Variants in ASPRV1 observed in about 807,000 individuals in gnomAD.
ASPRV1 encodes the protein aspartic peptidase retroviral like 1.
A neutral mutation model predicts 11.0 loss-of-function variants in ASPRV1; 7 were observed. The ratio of observed to expected loss-of-function variants is 0.64; its 90% confidence interval spans 0.36 to 1.20. ASPRV1 has a LOEUF of 1.20. Ranked by LOEUF, ASPRV1 falls within the 50% of genes most tolerant of loss-of-function variation. The pLI is 0.02. For synonymous variants in ASPRV1, 136 were observed against 138.4 expected (o/e 0.98, Z 0.12); for missense variants, 299 against 320.0 (o/e 0.93, Z 0.50).
chr2:69,992,743 A>G, the ASPRV1 span, among the ~76,000 whole-genome samples: 751 of 152,306 alleles, frequency 4.9e-3, 6 homozygotes, highest in African/African-American at 0.012. Context: ...TTGTTATTTT[A>G]GGTTATTATT....
At chr2:69,968,619 T>A in the ASPRV1 span, 1 of 152,270 alleles carries the variant, frequency 6.6e-6, no homozygotes, top group African/African-American at 2.4e-5. Context: ...GAGGGTTTAT[T>A]TGAGTTTCTC....
At chr2:70,026,101 T>G in the ASPRV1 span, among the ~76,000 whole-genome samples, 10 of 152,116 alleles carry the variant, frequency 6.6e-5, no homozygotes, top group Non-Finnish European at 1.3e-4. Context: ...GGTGGGTGGA[T>G]TACGTGAGGT....
At chr2:70,084,413 G>A in the ASPRV1 span, among the ~76,000 whole-genome samples, 2 of 152,114 alleles carry the variant, frequency 1.3e-5, no homozygotes, top group Non-Finnish European at 2.9e-5. Flanking sequence ...CAGTTTAGTG[G>A]TTAAGAATGG....
the ASPRV1 span, among the ~76,000 whole-genome samples, chr2:69,999,256 A>C: frequency 6.6e-6 from 1 of 151,992 alleles, no homozygotes. Flanking sequence ...CCAGGTGCAC[A>C]CCACTGTGCC....
the ASPRV1 span, among the ~76,000 whole-genome samples, chr2:69,990,074 G>A: frequency 6.6e-6 from 1 of 152,228 alleles, no homozygotes; most frequent in Non-Finnish European, 1.5e-5. Flanking sequence ...AGGCACTGAG[G>A]CACAGAGAGC....
the ASPRV1 span, chr2:69,941,149 A>G: frequency 6.6e-6 from 1 of 152,140 alleles, no homozygotes; most frequent in South Asian, 2.1e-4. Context: ...GATTTTAAAA[A>G]ACTAAAAAAA....
Position 69,961,253 on chromosome 2 carries a change from C to CCTCTCCTCTGAGGGA in ASPRV1, c.169_183dup (p.Ser57_Glu61dup), listed in dbSNP as rs1439992255. ...CTGAGCCTATTGTAGACACCCAGGG[C>CCTCTCCTCTGAGGGA]CTCTCCTCTGAGGGACTCTTTCAGG... is the stretch of plus-strand genomic sequence containing the variant. On this transcript the variant is annotated inframe_insertion, in exon 1 of 1. Coordinates refer to ENST00000320256, the MANE Select transcript of ASPRV1 (RefSeq NM_152792.4). 7 of 1,614,020 alleles carry CCTCTCCTCTGAGGGA rather than the reference C, an allele frequency of 4.3e-6. No homozygotes were observed. The highest frequency in any genetic ancestry group is 5.9e-6 in the Non-Finnish European group (7 of 1,180,018).
chr2:70,033,003 G>C, the ASPRV1 span, among the ~76,000 whole-genome samples: 3 of 152,098 alleles, frequency 2.0e-5, no homozygotes, highest in African/African-American at 7.2e-5. Flanking sequence ...ACAGCAATCA[G>C]ATATCAGCTA....
the ASPRV1 span, among the ~76,000 whole-genome samples, chr2:69,968,930 CTT>C: frequency 2.6e-5 from 4 of 152,252 alleles, no homozygotes; most frequent in African/African-American, 9.6e-5. Context: ...CATGTACACT[CTT>C]TTCCTGAATC....
chr2:70,006,164 A>T, the ASPRV1 span, among the ~76,000 whole-genome samples: 1 of 152,164 alleles, frequency 6.6e-6, no homozygotes, highest in Non-Finnish European at 1.5e-5. Context: ...GACTAAAAAT[A>T]TCTCCAGACA....
the ASPRV1 span, among the ~76,000 whole-genome samples, chr2:70,026,252 G>A: frequency 6.6e-6 from 1 of 151,962 alleles, no homozygotes; most frequent in African/African-American, 2.4e-5. Context: ...ACTCCAGCCT[G>A]GAAAACAAGA....
the ASPRV1 span, among the ~76,000 whole-genome samples, chr2:69,934,686 GTA>G: frequency 6.6e-6 from 1 of 152,132 alleles, no homozygotes; most frequent in Non-Finnish European, 1.5e-5. Context: ...AGATAGCATG[GTA>G]TACTCACAGT....
chr2:70,086,909 G>A, the ASPRV1 span: 6 of 152,256 alleles, frequency 3.9e-5, no homozygotes, highest in Non-Finnish European at 5.9e-5. Flanking sequence ...CAGGAGCTGG[G>A]GTGGGGGATC....
At chr2:70,015,303 A>G in the ASPRV1 span, 6 of 152,402 alleles carry the variant, frequency 3.9e-5, no homozygotes, top group South Asian at 1.2e-3. Context: ...ACATCATTAC[A>G]TAATGACAGA....
At chr2:70,082,806 A>T in the ASPRV1 span, among the ~76,000 whole-genome samples, 2 of 152,168 alleles carry the variant, frequency 1.3e-5, no homozygotes, top group South Asian at 4.1e-4. Flanking sequence ...AGGTGGGAGG[A>T]TTGCTTGAGC....
the ASPRV1 span, among the ~76,000 whole-genome samples, chr2:69,951,072 A>C: frequency 6.6e-6 from 1 of 152,036 alleles, no homozygotes; most frequent in Middle Eastern, 3.2e-3. Context: ...GGAAAAATAC[A>C]CCGTGTTTGA....
the ASPRV1 span, chr2:70,049,755 G>A: frequency 6.6e-6 from 1 of 152,222 alleles, no homozygotes; most frequent in African/African-American, 2.4e-5. Context: ...CAGACTGTGA[G>A]TTCTGATCCC....
chr2:70,063,872 C>T, the ASPRV1 span: 4 of 152,166 alleles, frequency 2.6e-5, no homozygotes, highest in East Asian at 3.8e-4. Flanking sequence ...TCCTGAATTG[C>T]TTGCCCTGTT....
chr2:69,972,904 C>T, the ASPRV1 span, among the ~76,000 whole-genome samples: 1 of 152,010 alleles, frequency 6.6e-6, no homozygotes. Context: ...CTGTGCCTGG[C>T]CAGGCTAATC....
Sources: allele counts gnomAD v4.1 joint callset (sites outside exome capture counted in the v4.1 genomes callset), GRCh38; gene constraint gnomAD v4.1.1; transcripts MANE v1.5; gene names NCBI Gene and HGNC (gene_info 2026-07-23, HGNC 2026-07-21).